Variants in SYT6 observed in about 807,000 individuals in gnomAD.
The protein encoded by SYT6 is synaptotagmin-6.
Under a neutral mutation model 38.4 loss-of-function variants are expected in SYT6, and 24 were observed. That is an observed-to-expected ratio of 0.62 (90% CI 0.45 to 0.88). SYT6 has a LOEUF of 0.88. Among genes scored for constraint, SYT6 ranks in the 40% least tolerant of loss-of-function variants. The pLI, the probability that SYT6 is intolerant of heterozygous loss-of-function variation, is 0.00. For synonymous variants in SYT6, 265 were observed against 241.9 expected, an observed-to-expected ratio of 1.10 and a Z score of -0.89; for missense variants, 611 against 621.0, an observed-to-expected ratio of 0.98 and a Z score of 0.17.
chr1:114,145,119 G>C (rs1316712921), intron 1 of SYT6, among the ~76,000 whole-genome samples: 1 of 151,956 alleles, frequency 6.6e-6, no homozygotes, highest in African/African-American at 2.4e-5. Flanking sequence ...GTGAAGCTCG[G>C]GGCAGGTGGA....
chr1:114,153,406 T>C (rs2101141978), intron 1 of SYT6, among the ~76,000 whole-genome samples: 1 of 152,310 alleles, frequency 6.6e-6, no homozygotes, highest in South Asian at 2.1e-4. Context: ...GCCGGGGGCT[T>C]CTACCCCAAC....
intron 1 of SYT6, among the ~76,000 whole-genome samples, chr1:114,143,855 G>A (rs1196704656): frequency 8.7e-6 from 1 of 115,314 alleles, no homozygotes; most frequent in Non-Finnish European, 1.7e-5. Flanking sequence ...ATTATCCCAA[G>A]AAAGGGGTAT....
chr1:114,127,157 AG>A (rs1677793258), intron 3 of SYT6, among the ~76,000 whole-genome samples: 1 of 152,296 alleles, frequency 6.6e-6, no homozygotes, highest in African/African-American at 2.4e-5. Context: ...AGCCCCCTGG[AG>A]CCAAGAACAG....
chr1:114,119,757 C>T (rs1199972309), intron 3 of SYT6, among the ~76,000 whole-genome samples: 2 of 152,154 alleles, frequency 1.3e-5, no homozygotes, highest in Admixed American at 1.3e-4. Context: ...TTTACACATT[C>T]TCTCAGTAAC....
chr1:114,097,843 C>A lies in SYT6; in HGVS notation c.1399G>T (p.Val467Leu). 6.2e-7 allele frequency: 1 copy of A among 1,614,236 alleles called. No individual in the cohort carries two copies. Among genetic ancestry groups the A allele is most frequent in the Non-Finnish European group, 8.5e-7 (1 of 1,180,048 alleles). The change falls in exon 6 of 8, where the codon GTG becomes TTG. Residue 467 changes from valine (V) to leucine (L), a missense_variant. By Grantham distance (32) the Val-to-Leu change is conservative (BLOSUM62 1). Transcript: ENST00000610222. ...CCCAGGCCTTCAGCAGTGATCCCCA[C>A]ACGACAGACTCCTATGATCTCATTG... ...GHNEIIGVCR[V>L]GITAEGLGRD...
At chr1:114,115,577 G>T (rs565967437) in intron 3 of SYT6, among the ~76,000 whole-genome samples, 1 of 151,776 alleles carries the variant, frequency 6.6e-6, no homozygotes, top group Admixed American at 6.6e-5. Flanking sequence ...CCACCATGCC[G>T]GGCTGATTTT....
At chr1:114,097,667 C>A in intron 6 of SYT6, 60 bp downstream of exon 6, 1 of 1,586,988 alleles carries the variant, frequency 6.3e-7, no homozygotes, top group Non-Finnish European at 8.6e-7. Flanking sequence ...AGCTGACTGC[C>A]ATTCTCCAGC....
At chr1:114,097,642 C>A in intron 6 of SYT6, 85 bp downstream of exon 6, 1 of 1,534,356 alleles carries the variant, frequency 6.5e-7, no homozygotes, top group Non-Finnish European at 8.9e-7. Context: ...CACAAAAGGC[C>A]GAGGGTGTCA....
intron 3 of SYT6, among the ~76,000 whole-genome samples, chr1:114,132,755 G>A (rs1171321014): frequency 6.6e-6 from 1 of 152,206 alleles, no homozygotes; most frequent in African/African-American, 2.4e-5. Context: ...GGGCACCAGA[G>A]GAATAGGGCT....
At chr1:114,122,506 T>TGTGTGTGCGCGCGCGC (rs60780339) in intron 3 of SYT6, among the ~76,000 whole-genome samples, 1 of 147,288 alleles carries the variant, frequency 6.8e-6, no homozygotes, top group African/African-American at 2.5e-5. Context: ...TGTGTGTGTG[T>TGTGTGTGCGCGCGCGC]GCGCGCACAT....
At chr1:114,093,265 A>T (rs142412422) in intron 7 of SYT6, among the ~76,000 whole-genome samples, 132 of 152,322 alleles carry the variant, frequency 8.7e-4, no homozygotes, top group African/African-American at 3.1e-3. Context: ...TGGGAAACCC[A>T]TGAAGTTCAG....
intron 6 of SYT6, 139 bp downstream of exon 6, chr1:114,097,588 T>C (rs996657460): frequency 1.9e-6 from 2 of 1,064,538 alleles, no homozygotes; most frequent in African/African-American, 3.2e-5. Flanking sequence ...TTTTGGCCTA[T>C]TACACACTGG....
intron 3 of SYT6, among the ~76,000 whole-genome samples, chr1:114,133,849 C>T (rs1247862683): frequency 6.6e-6 from 1 of 152,158 alleles, no homozygotes; most frequent in Non-Finnish European, 1.5e-5. Flanking sequence ...TTAAGATTTG[C>T]AATTAACAAA....
chr1:114,094,984 T>A (rs1200792960), intron 6 of SYT6, among the ~76,000 whole-genome samples: 1 of 152,212 alleles, frequency 6.6e-6, no homozygotes, highest in African/African-American at 2.4e-5. Context: ...ATATTTAAAC[T>A]GTGGGCGCTA....
At chr1:114,093,620 A>C in intron 7 of SYT6, 115 bp downstream of exon 7, 1 of 955,692 alleles carries the variant, frequency 1.0e-6, no homozygotes, top group Non-Finnish European at 1.5e-6. Context: ...ACACCCAACC[A>C]AGTGTTCTTT....
In SYT6 at chr1:114,092,009, T is replaced by C. The variant is rs1300128607; in HGVS notation, c.*125A>G. On this transcript the variant is annotated 3_prime_UTR_variant, in exon 8 of 8. Coordinates refer to ENST00000610222, the MANE Select transcript of SYT6 (RefSeq NM_001253772.2). ...CCCATTTGTGTTATTTGGCTGCACA[T>C]CTCATGGTGTTGGAGGTGGTTTCGG... The C allele has an allele frequency of 6.5e-7, 1 of 1,536,286 alleles. No individual in the cohort carries two copies. The highest frequency in any genetic ancestry group is 2.0e-5 in the Admixed American group (1 of 51,008).
At position 114,097,862 on chromosome 1, in the gene SYT6, C is replaced by T. The variant is rs1675733322; in HGVS notation, c.1380G>A (p.Glu460=). The T allele has an allele frequency of 1.2e-6, 2 of 1,614,198 alleles. No individual in the cohort carries two copies. Among genetic ancestry groups the T allele is most frequent in the African/African-American group, 1.3e-5 (1 of 75,058 alleles). The part of the protein sequence containing the change: ...VMDYDRVGHN[E]IIGVCRVGIT... ...TCCCCACACGACAGACTCCTATGAT[C>T]TCATTGTGGCCCACTCTGAGGGAGA... is the stretch of plus-strand genomic sequence containing the variant. The change falls in exon 6 of 8, where the codon GAG becomes GAA. Residue 460 remains glutamate, a synonymous_variant. Coordinates refer to ENST00000610222, the MANE Select transcript of SYT6 (RefSeq NM_001253772.2).
Position 114,139,642 on chromosome 1 carries a change from T to A in SYT6, c.485A>T (p.Gln162Leu), listed in dbSNP as rs747784943. 2 of 1,614,028 alleles carry A rather than the reference T, an allele frequency of 1.2e-6. No homozygotes were observed. Among genetic ancestry groups the A allele is most frequent in the Non-Finnish European group, 1.7e-6 (2 of 1,180,046 alleles). The stretch of plus-strand genomic sequence containing the variant: ...GGTGGATGACGCTGGCTCTGTAGTT[T>A]GCCGCTGCAGCCGGGTGTGACGCAT... ...HIMRHTRLQR[Q>L]TTEPASSTRH... Residue 162 changes from glutamine (Q) to leucine (L), a missense_variant, in exon 2 of 8, where the codon CAA (glutamine) becomes CTA (leucine). Gln to Leu is a moderately radical substitution (Grantham distance 113). Transcript: ENST00000610222.
At position 114,092,267 on chromosome 1, in the gene SYT6, G is replaced by A. The variant is rs1035758961; in HGVS notation, c.*52-185C>T. 1.4e-4 allele frequency among the ~76,000 whole-genome samples: 21 copies of A among 150,790 alleles called. 1 individual carries two copies. Among genetic ancestry groups the A allele is most frequent in the African/African-American group, 3.9e-4 (16 of 40,642 alleles). The stretch of plus-strand genomic sequence containing the variant: ...TTAGAGCTTCTAGTTTGGAATACCT[G>A]ATTTTCAAAAAGACCTACTGCAGAG... On this transcript the variant is annotated intron_variant, in intron 7 of 7. Transcript: ENST00000610222.
Sources: allele counts gnomAD v4.1 joint callset (sites outside exome capture counted in the v4.1 genomes callset), GRCh38; gene constraint gnomAD v4.1.1; transcripts MANE v1.5; gene names NCBI Gene and HGNC (gene_info 2026-07-23, HGNC 2026-07-21).